CENPV: variants seen among roughly 807,000 people sequenced by gnomAD.
CENPV encodes centromere protein V.
In CENPV, 15 loss-of-function variants were observed where a neutral mutation model predicts 26.4. That is an observed-to-expected ratio of 0.57 (90% CI 0.38 to 0.88). The LOEUF is 0.88. CENPV is among the 40% of genes least tolerant of loss of function. The pLI is 0.00. For missense variants in CENPV, 336 were observed against 376.5 expected (o/e 0.89, Z 0.89); for synonymous variants, 172 against 165.5 (o/e 1.04, Z -0.30).
At chr17:16,352,173 C>T (rs566628223) in intron 1 of CENPV, among the ~76,000 whole-genome samples, 9 of 152,304 alleles carry the variant, frequency 5.9e-5, no homozygotes, top group African/African-American at 1.9e-4. Flanking sequence ...GTAAAATTGA[C>T]ACTGAAATAT....
In CENPV at chr17:16,342,770, T is replaced by C. The variant is rs546227206; in HGVS notation, c.*47A>G. The stretch of plus-strand genomic sequence containing the variant: ...CGAGGCACGGCAGGGAGAGCAAAGT[T>C]GCTGGCCCCAATCATTCCTCCTTTT... On this transcript the variant is annotated 3_prime_UTR_variant, in exon 5 of 5. Transcript: ENST00000299736. The C allele has an allele frequency of 3.1e-6, 5 of 1,612,318 alleles. No individual in the cohort carries two copies. The highest frequency in any genetic ancestry group is 4.2e-6 in the Non-Finnish European group (5 of 1,178,876).
intron 2 of CENPV, 122 bp from the exon 3 acceptor site, chr17:16,348,807 GC>G: frequency 6.7e-7 from 1 of 1,499,976 alleles, no homozygotes; most frequent in Non-Finnish European, 8.9e-7. Flanking sequence ...ACCATCCAGG[GC>G]CGAGGAGCTG....
At position 16,343,053 on chromosome 17, in the gene CENPV, G is replaced by A. The variant is rs911773920; in HGVS notation, c.695-112C>T. 1.2e-5 allele frequency: 15 copies of A among 1,211,310 alleles called. 1 individual carries two copies. Among genetic ancestry groups the A allele is most frequent in the South Asian group, 2.8e-5 (2 of 71,020 alleles). The allele number at this position is 1,211,310 out of a possible 1,614,324, so 75.0% of individuals were successfully genotyped here. Reference sequence around the variant, plus strand: ...CAGGCATCATCACGCTACACATTAGGGCTTCCAAAGGATATGCCACAGCTT... The same window carrying A: ...CAGGCATCATCACGCTACACATTAGAGCTTCCAAAGGATATGCCACAGCTT... On this transcript the variant is annotated intron_variant, in intron 4 of 4. Transcript: ENST00000299736.
chr17:16,351,813 ATTC>A (rs1484868916), intron 1 of CENPV: 8 of 152,196 alleles, frequency 5.3e-5, no homozygotes, highest in Non-Finnish European at 7.3e-5. Context: ...TGAGTTTTAC[ATTC>A]TTCTTTTTTT....
intron 4 of CENPV, among the ~76,000 whole-genome samples, chr17:16,343,486 C>A (rs1475657784): frequency 6.6e-6 from 1 of 152,284 alleles, no homozygotes; most frequent in East Asian, 1.9e-4. Flanking sequence ...GCGTGCGCCA[C>A]CAAGCCTGGC....
intron 4 of CENPV, among the ~76,000 whole-genome samples, chr17:16,343,557 C>T (rs1222017116): frequency 6.6e-6 from 1 of 152,152 alleles, no homozygotes; most frequent in Non-Finnish European, 1.5e-5. Context: ...GTCTCGAACT[C>T]CCGACCTCAG....
intron 2 of CENPV, chr17:16,348,933 T>A (rs1485552714): frequency 4.7e-6 from 6 of 1,279,308 alleles, no homozygotes; most frequent in Non-Finnish European, 5.0e-6. Context: ...AACAGACAGG[T>A]CTGTACTGCC....
intron 4 of CENPV, 65 bp from the exon 5 acceptor site, chr17:16,343,006 C>T (rs771286267): frequency 1.1e-4 from 177 of 1,591,874 alleles, no homozygotes; most frequent in Middle Eastern, 1.8e-4. Context: ...GGTGTACCGG[C>T]TCCTGGATAA....
At chr17:16,348,027 C>G (rs1227271368) in intron 3 of CENPV, 2 of 152,224 alleles carry the variant, frequency 1.3e-5, no homozygotes, top group Non-Finnish European at 2.9e-5. Context: ...AAAATATTAA[C>G]AGTGGTTACC....
Position 16,353,164 on chromosome 17 carries a change from C to CGGCGGCGGT in CENPV, c.264_272dup (p.Pro92_Pro94dup). Reference sequence around the variant, plus strand: ...TCGGGGTCGCGGGAGTCGGCGGCGGCGGCGGCGGTGGCGGGAGCAACGCCA... The same window carrying CGGCGGCGGT: ...TCGGGGTCGCGGGAGTCGGCGGCGGCGGCGGCGGTGGCGGCGGTGGCGGGAGCAACGCCA... On this transcript the variant is annotated inframe_insertion, in exon 1 of 5. Coordinates refer to ENST00000299736, the MANE Select transcript of CENPV (RefSeq NM_181716.3). 3.5e-6 allele frequency: 5 copies of CGGCGGCGGT among 1,447,052 alleles called. No homozygotes were observed. Among genetic ancestry groups the CGGCGGCGGT allele is most frequent in the Non-Finnish European group, 4.5e-6 (5 of 1,103,846 alleles). 89.6% of individuals were successfully genotyped at this position (1,447,052 alleles called of 1,614,324 possible).
Position 16,353,212 on chromosome 17 carries a change from C to G in CENPV, c.225G>C (p.Pro75=). ...CCAGCTCAGGCGGCGGCGGCTCCCC[C>G]GGGCCCTCCTCCTGGGCCCGCGGCG... is the stretch of plus-strand genomic sequence containing the variant. ...RSSPRAQEEG[P]GEPPPPELAL... is the part of the protein sequence containing the mutation. Residue 75 remains proline (P), a synonymous_variant, in exon 1 of 5, where the codon CCG becomes CCC. Coordinates refer to ENST00000299736, the MANE Select transcript of CENPV (RefSeq NM_181716.3). 3 of 1,380,288 alleles carry G rather than the reference C, an allele frequency of 2.2e-6. No individual in the cohort carries two copies. The highest frequency in any genetic ancestry group is 2.8e-6 in the Non-Finnish European group (3 of 1,073,984). 85.5% of individuals were successfully genotyped at this position (1,380,288 alleles called of 1,614,324 possible).
In CENPV at chr17:16,353,236, C is replaced by T. The variant is rs1568871404; in HGVS notation, c.201G>A (p.Ser67=). ...PSEKPRLRRS[S]PRAQEEGPGE... The stretch of plus-strand genomic sequence containing the variant: ...CCGGGCCCTCCTCCTGGGCCCGCGG[C>T]GACGAGCGCCTCAGCCGCGGCTTCT... Residue 67 remains serine, a synonymous_variant, in exon 1 of 5, where the codon TCG becomes TCA. Coordinates refer to ENST00000299736, the MANE Select transcript of CENPV (RefSeq NM_181716.3). 2.1e-6 allele frequency: 3 copies of T among 1,395,894 alleles called. No individual in the cohort carries two copies. Among genetic ancestry groups the T allele is most frequent in the South Asian group, 1.6e-5 (1 of 63,934 alleles). 86.5% of individuals were successfully genotyped at this position (1,395,894 alleles called of 1,614,324 possible).
chr17:16,343,064 G>A, intron 4 of CENPV, 123 bp from the exon 5 acceptor site: 1 of 1,113,212 alleles, frequency 9.0e-7, no homozygotes, highest in Non-Finnish European at 1.3e-6. Context: ...GCTTCCAAAG[G>A]ATATGCCACA....
In CENPV at chr17:16,353,180, A is replaced by C. The variant is rs2093234862; in HGVS notation, c.257T>G (p.Leu86Arg). 3.6e-6 allele frequency: 5 copies of C among 1,406,058 alleles called. No individual in the cohort carries two copies. The highest frequency in any genetic ancestry group is 1.5e-5 in the African/African-American group (1 of 67,162). 87.1% of individuals were successfully genotyped at this position (1,406,058 alleles called of 1,614,324 possible). A position where few individuals can be genotyped will look rare whatever the true frequency, so the allele number is the denominator to read the frequency against. The change falls in exon 1 of 5, where the codon CTC becomes CGC. Residue 86 changes from leucine to arginine, a missense_variant. Around this residue, in one of 2 missense-constraint regions of CENPV, gnomAD observed 181 missense variants for 148.8 expected, o/e 1.22. Coordinates refer to ENST00000299736, the MANE Select transcript of CENPV (RefSeq NM_181716.3). ...GEPPPPELAL[L>R]PPPPPPPPTP... Reference sequence around the variant, plus strand: ...CGGCGGCGGCGGCGGCGGTGGCGGGAGCAACGCCAGCTCAGGCGGCGGCGG... The same window carrying C: ...CGGCGGCGGCGGCGGCGGTGGCGGGCGCAACGCCAGCTCAGGCGGCGGCGG...
At chr17:16,352,957 G>A (rs2093234066) in intron 1 of CENPV, 70 bp downstream of exon 1, 3 of 1,446,036 alleles carry the variant, frequency 2.1e-6, no homozygotes, top group Non-Finnish European at 2.7e-6. Flanking sequence ...CACGCGGGCT[G>A]CGAGCCCGAC....
At position 16,348,702 on chromosome 17, in the gene CENPV, C is replaced by T. The variant is rs767161153; in HGVS notation, c.510-17G>A. On this transcript the variant is annotated splice_polypyrimidine_tract_variant and intron_variant, in intron 2 of 4. Transcript: ENST00000299736. Reference sequence around the variant, plus strand: ...ATGCTGCAACTACAGAAAGACAGAGCAAATTCCAGATTGTGAGCAGCCACC... The same window carrying T: ...ATGCTGCAACTACAGAAAGACAGAGTAAATTCCAGATTGTGAGCAGCCACC... 1 of 1,613,486 alleles carries T rather than the reference C, an allele frequency of 6.2e-7. No homozygotes were observed. The highest frequency in any genetic ancestry group is 2.2e-5 in the East Asian group (1 of 44,860).
intron 3 of CENPV, among the ~76,000 whole-genome samples, chr17:16,345,527 C>T (rs551758288): frequency 1.3e-4 from 20 of 151,818 alleles, no homozygotes; most frequent in Admixed American, 9.2e-4. Flanking sequence ...GCTGAGATCG[C>T]ACCATTAAAA....
chr17:16,345,951 A>G (rs1200680589), intron 3 of CENPV, among the ~76,000 whole-genome samples: 1 of 152,232 alleles, frequency 6.6e-6, no homozygotes, highest in Non-Finnish European at 1.5e-5. Flanking sequence ...TCCTTAATGG[A>G]TAATACAAAC....
In CENPV at chr17:16,343,505, C is replaced by T. The variant is rs543224043; in HGVS notation, c.695-564G>A. On this transcript the variant is annotated intron_variant, in intron 4 of 4. Transcript: ENST00000299736. ...GCGCCACCAAGCCTGGCTAATTTTG[C>T]ATTTTTAGTAAAGATGGGGTTTCTC... is the stretch of plus-strand genomic sequence containing the variant. Among the ~76,000 whole-genome samples the T allele has an allele frequency of 5.3e-5, 8 of 152,194 alleles. No homozygotes were observed. The East Asian group carries it at 1.5e-3, about 29-fold the overall frequency.
Sources: allele counts gnomAD v4.1 joint callset (sites outside exome capture counted in the v4.1 genomes callset), GRCh38; gene constraint gnomAD v4.1.1; regional missense constraint gnomAD v4.1.1; transcripts MANE v1.5; gene names NCBI Gene and HGNC (gene_info 2026-07-23, HGNC 2026-07-21).